ARID2: variants seen among roughly 807,000 people sequenced by gnomAD.
The protein encoded by ARID2 is AT-rich interactive domain-containing protein 2.
A neutral mutation model predicts 184.6 loss-of-function variants in ARID2; 32 were observed. That is an observed-to-expected ratio of 0.17 (90% CI 0.13 to 0.23). The LOEUF is 0.23. Among genes scored for constraint, ARID2 ranks in the 10% least tolerant of loss-of-function variants. The pLI is 1.00. For synonymous variants in ARID2, 836 were observed against 772.6 expected, an observed-to-expected ratio of 1.08 and a Z score of -1.36; for missense variants, 1,696 against 2,197.6, an observed-to-expected ratio of 0.77 and a Z score of 4.56.
intron 6 of ARID2, among the ~76,000 whole-genome samples, chr12:45,822,203 T>C: frequency 6.6e-6 from 1 of 152,134 alleles, no homozygotes. Flanking sequence ...CTTTGTTTCT[T>C]AAAAGTAGCT....
intron 3 of ARID2, among the ~76,000 whole-genome samples, chr12:45,782,677 A>G (rs566623808): frequency 6.6e-6 from 1 of 152,144 alleles, no homozygotes; most frequent in Admixed American, 6.5e-5. Context: ...AATGTGCTTG[A>G]TGTCATATAT....
chr12:45,733,972 T>C (rs1941058964), intron 3 of ARID2, among the ~76,000 whole-genome samples: 1 of 152,176 alleles, frequency 6.6e-6, no homozygotes, highest in South Asian at 2.1e-4. Flanking sequence ...TGTATCAAAG[T>C]TTCTCACCTA....
chr12:45,791,541 G>A (rs1942289761), intron 3 of ARID2, among the ~76,000 whole-genome samples: 1 of 151,984 alleles, frequency 6.6e-6, no homozygotes, highest in African/African-American at 2.4e-5. Flanking sequence ...TTATATCAGG[G>A]TTCTGATGAA....
In ARID2 at chr12:45,807,553, A is replaced by G. The variant is rs552605587; in HGVS notation, c.285-3865A>G. ...AAATTGATATCTATTGATAGATACT[A>G]TTGTGCTAGTCTTTATAGTTTTGCC... On this transcript the variant is annotated intron_variant, in intron 3 of 20. Coordinates refer to ENST00000334344, the MANE Select transcript of ARID2 (RefSeq NM_152641.4). Among the ~76,000 whole-genome samples the G allele has an allele frequency of 2.8e-4, 43 of 152,272 alleles. 1 individual carries two copies. The South Asian group carries it at 8.1e-3, about 29-fold the overall frequency.
At chr12:45,864,433 G>A (rs1343873215) in intron 16 of ARID2, among the ~76,000 whole-genome samples, 1 of 151,606 alleles carries the variant, frequency 6.6e-6, no homozygotes, top group African/African-American at 2.4e-5. Flanking sequence ...TTCAAACATT[G>A]CCTCTGGTTG....
intron 3 of ARID2, among the ~76,000 whole-genome samples, chr12:45,802,342 T>C (rs1942521890): frequency 6.6e-6 from 1 of 152,122 alleles, no homozygotes; most frequent in Non-Finnish European, 1.5e-5. Flanking sequence ...GTTGGAATTA[T>C]AGGCATGAAC....
intron 6 of ARID2, among the ~76,000 whole-genome samples, chr12:45,832,954 C>T (rs1431497822): frequency 6.6e-6 from 1 of 152,054 alleles, no homozygotes; most frequent in African/African-American, 2.4e-5. Context: ...TTTGGAGAGT[C>T]CTAGAACCAG....
chr12:45,774,496 C>A (rs1484264507), intron 3 of ARID2, among the ~76,000 whole-genome samples: 1 of 152,068 alleles, frequency 6.6e-6, no homozygotes, highest in Non-Finnish European at 1.5e-5. Flanking sequence ...CTTTTAGCAT[C>A]TTTTTCCCCT....
At chr12:45,860,602 TTAAA>T (rs977627519) in intron 15 of ARID2, among the ~76,000 whole-genome samples, 195 bp from the exon 16 acceptor site, 2 of 151,886 alleles carry the variant, frequency 1.3e-5, no homozygotes, top group Non-Finnish European at 2.9e-5. Flanking sequence ...TGGTTTTATA[TTAAA>T]TAAAATAAAC....
chr12:45,750,344 A>C (rs1941438329), intron 3 of ARID2, among the ~76,000 whole-genome samples: 1 of 152,228 alleles, frequency 6.6e-6, no homozygotes, highest in South Asian at 2.1e-4. Context: ...AACAAATAGA[A>C]TATTAGCATC....
chr12:45,766,713 A>C (rs529678313), intron 3 of ARID2, among the ~76,000 whole-genome samples: 27 of 151,840 alleles, frequency 1.8e-4, no homozygotes, highest in Admixed American at 1.6e-3. Context: ...ACAGGGTTTC[A>C]CCGTGTTAGC....
At chr12:45,896,727 G>C (rs1479659350) in intron 20 of ARID2, among the ~76,000 whole-genome samples, 2 of 152,224 alleles carry the variant, frequency 1.3e-5, no homozygotes, top group Non-Finnish European at 2.9e-5. Context: ...AGGGTGGAAT[G>C]TGTTGAGCCT....
intron 3 of ARID2, among the ~76,000 whole-genome samples, chr12:45,785,868 G>A (rs552489177): frequency 1.3e-5 from 2 of 152,258 alleles, no homozygotes; most frequent in East Asian, 3.9e-4. Context: ...AAAAGATCCA[G>A]TGAAATAATA....
At chr12:45,807,033 A>C (rs1304359400) in intron 3 of ARID2, among the ~76,000 whole-genome samples, 1 of 152,198 alleles carries the variant, frequency 6.6e-6, no homozygotes, top group Non-Finnish European at 1.5e-5. Flanking sequence ...AGGGAAATCC[A>C]AATTGAACTT....
chr12:45,799,649 G>GA (rs1424502999), intron 3 of ARID2, among the ~76,000 whole-genome samples: 1 of 152,096 alleles, frequency 6.6e-6, no homozygotes. Context: ...AGATACTACT[G>GA]AAAGTTGACA....
chr12:45,782,239 T>TA (rs1369072277), intron 3 of ARID2, among the ~76,000 whole-genome samples: 1 of 152,104 alleles, frequency 6.6e-6, no homozygotes, highest in Non-Finnish European at 1.5e-5. Context: ...AAAACACAAA[T>TA]ATACAACATT....
intron 6 of ARID2, 108 bp downstream of exon 6, chr12:45,821,595 C>T: frequency 3.5e-6 from 2 of 571,044 alleles, no homozygotes; most frequent in Non-Finnish European, 5.6e-6. Flanking sequence ...ATACTTTTAT[C>T]TTTACCTAAT....
At chr12:45,731,081 C>T in intron 2 of ARID2, 136 bp from the exon 3 acceptor site, 1 of 641,598 alleles carries the variant, frequency 1.6e-6, no homozygotes, top group South Asian at 1.8e-5. Context: ...CTTAGTAACT[C>T]TTACCGATCG....
At chr12:45,877,590 A>C (rs1944029369) in intron 16 of ARID2, among the ~76,000 whole-genome samples, 2 of 151,802 alleles carry the variant, frequency 1.3e-5, no homozygotes, top group African/African-American at 4.8e-5. Flanking sequence ...TCATCCCAAA[A>C]CCATCCCCCC....
Sources: allele counts gnomAD v4.1 joint callset (sites outside exome capture counted in the v4.1 genomes callset), GRCh38; gene constraint gnomAD v4.1.1; transcripts MANE v1.5; gene names NCBI Gene and HGNC (gene_info 2026-07-23, HGNC 2026-07-21).